TSPAN9: variants seen among roughly 807,000 people sequenced by gnomAD.
TSPAN9 encodes the protein tetraspanin-9.
In TSPAN9, 16 loss-of-function variants were observed where a neutral mutation model predicts 31.0. That is an observed-to-expected ratio of 0.52 (90% CI 0.35 to 0.78). The LOEUF (loss-of-function observed/expected upper bound fraction) is 0.78, where lower values mean the gene tolerates loss of function less well. Among genes scored for constraint, TSPAN9 ranks in the 30% least tolerant of loss-of-function variants. The pLI is 0.01. For missense variants in TSPAN9, 272 were observed against 312.5 expected, an observed-to-expected ratio of 0.87 and a Z score of 0.98; for synonymous variants, 145 against 121.6, an observed-to-expected ratio of 1.19 and a Z score of -1.27.
At chr12:3,169,619 C>T (rs1237675970) in intron 2 of TSPAN9, among the ~76,000 whole-genome samples, 1 of 152,214 alleles carries the variant, frequency 6.6e-6, no homozygotes, top group Non-Finnish European at 1.5e-5. Flanking sequence ...CCTGTGAACA[C>T]TCAGCACCCT....
chr12:3,178,722 G>T (rs1405408515), intron 2 of TSPAN9, among the ~76,000 whole-genome samples: 4 of 152,214 alleles, frequency 2.6e-5, no homozygotes, highest in Non-Finnish European at 5.9e-5. Context: ...GACGGGTGGT[G>T]TAGAACATTA....
intron 2 of TSPAN9, among the ~76,000 whole-genome samples, chr12:3,140,651 G>A (rs74425666): frequency 0.14 from 21,125 of 152,110 alleles, 1,752 homozygotes; most frequent in Middle Eastern, 0.2. Flanking sequence ...ATTTCTTGGG[G>A]GAATTGGAAT....
intron 8 of TSPAN9, 55 bp from the exon 9 acceptor site, chr12:3,282,990 G>C: frequency 6.3e-7 from 1 of 1,585,078 alleles, no homozygotes; most frequent in East Asian, 2.2e-5. Context: ...TCGGGGCTGA[G>C]GTCAGGTCCA....
intron 2 of TSPAN9, among the ~76,000 whole-genome samples, chr12:3,197,433 C>T (rs950017135): frequency 4.6e-5 from 7 of 152,124 alleles, no homozygotes; most frequent in African/African-American, 7.2e-5. Context: ...ACTGCTATGC[C>T]GAACCCAGAG....
chr12:3,160,136 G>C (rs988185952), intron 2 of TSPAN9, among the ~76,000 whole-genome samples: 1 of 152,130 alleles, frequency 6.6e-6, no homozygotes, highest in Non-Finnish European at 1.5e-5. Flanking sequence ...TCTGTGTTCT[G>C]TCTGTGGTGT....
chr12:3,195,608 A>C (rs979341664), intron 2 of TSPAN9, among the ~76,000 whole-genome samples: 2 of 151,992 alleles, frequency 1.3e-5, no homozygotes, highest in African/African-American at 4.8e-5. Flanking sequence ...CTGTACCCCC[A>C]ATCTAAGGAA....
At chr12:3,175,510 G>A (rs920844179) in intron 2 of TSPAN9, among the ~76,000 whole-genome samples, 31 of 152,210 alleles carry the variant, frequency 2.0e-4, no homozygotes, top group African/African-American at 7.5e-4. Flanking sequence ...CATCTCTCTG[G>A]GTTCATTTCC....
At chr12:3,232,283 T>C (rs981357674) in intron 3 of TSPAN9, among the ~76,000 whole-genome samples, 1 of 151,532 alleles carries the variant, frequency 6.6e-6, no homozygotes, top group Non-Finnish European at 1.5e-5. Context: ...TTTTTTTTTT[T>C]CCTACAGTGA....
chr12:3,109,183 G>T (rs532966345), intron 2 of TSPAN9, among the ~76,000 whole-genome samples: 2 of 151,476 alleles, frequency 1.3e-5, no homozygotes, highest in Non-Finnish European at 2.9e-5. Flanking sequence ...TGATCCGCCC[G>T]CCTTGGCCTC....
At chr12:3,196,879 T>C (rs2098367300) in intron 2 of TSPAN9, among the ~76,000 whole-genome samples, 1 of 152,152 alleles carries the variant, frequency 6.6e-6, no homozygotes, top group Admixed American at 6.5e-5. Flanking sequence ...GATGGAAAGA[T>C]CCAGGGACAA....
intron 3 of TSPAN9, among the ~76,000 whole-genome samples, chr12:3,275,591 C>T (rs926138757): frequency 1.5e-4 from 23 of 152,268 alleles, no homozygotes; most frequent in African/African-American, 5.3e-4. Flanking sequence ...CCATCGCTGG[C>T]GAACCCAGAG....
chr12:3,241,346 T>C (rs1476853563), intron 3 of TSPAN9, among the ~76,000 whole-genome samples: 1 of 152,258 alleles, frequency 6.6e-6, no homozygotes, highest in Non-Finnish European at 1.5e-5. Context: ...GGCATTTATA[T>C]ACTATGTATT....
intron 2 of TSPAN9, among the ~76,000 whole-genome samples, chr12:3,132,082 G>T (rs1364456310): frequency 1.3e-5 from 2 of 152,212 alleles, no homozygotes. Context: ...CACGCATGCT[G>T]TAGTGTGCAT....
chr12:3,116,488 G>A (rs2098322501), intron 2 of TSPAN9, among the ~76,000 whole-genome samples: 2 of 152,166 alleles, frequency 1.3e-5, no homozygotes, highest in Non-Finnish European at 1.5e-5. Context: ...TAGAATAAAC[G>A]ATACTCAAAA....
At chr12:3,117,922 C>T (rs1425240684) in intron 2 of TSPAN9, among the ~76,000 whole-genome samples, 1 of 152,056 alleles carries the variant, frequency 6.6e-6, no homozygotes, top group African/African-American at 2.4e-5. Context: ...GCTGTCACCT[C>T]AGGGCTGGGA....
chr12:3,181,737 C>T (rs1261533936), intron 2 of TSPAN9, among the ~76,000 whole-genome samples: 1 of 152,130 alleles, frequency 6.6e-6, no homozygotes, highest in East Asian at 1.9e-4. Context: ...GCCTTCTGAC[C>T]CCAGCCCTCG....
intron 3 of TSPAN9, among the ~76,000 whole-genome samples, chr12:3,256,368 T>A (rs1053733633): frequency 1.3e-5 from 2 of 152,196 alleles, no homozygotes; most frequent in African/African-American, 4.8e-5. Context: ...GGAAGGCACT[T>A]GCCGCAGGGG....
chr12:3,080,196 A>G (rs1181407378), intron 1 of TSPAN9, among the ~76,000 whole-genome samples: 2 of 152,224 alleles, frequency 1.3e-5, no homozygotes, highest in Non-Finnish European at 2.9e-5. Context: ...ATATTGGATT[A>G]GAAATATTCT....
chr12:3,215,521 G>C (rs2098380939), intron 3 of TSPAN9, among the ~76,000 whole-genome samples: 1 of 152,198 alleles, frequency 6.6e-6, no homozygotes, highest in Non-Finnish European at 1.5e-5. Context: ...ACTTCCTGTT[G>C]TTCTCTGTAT....
Sources: gnomAD v4.1 joint callset for allele counts (sites outside exome capture counted in the v4.1 genomes callset) on GRCh38, gnomAD v4.1.1 for gene constraint, MANE v1.5 for transcripts, NCBI Gene and HGNC (gene_info 2026-07-23, HGNC 2026-07-21) for gene names.